The following CAMK4 variants were observed in gnomAD, a reference collection of about 807,000 sequenced individuals.
CAMK4 encodes calcium/calmodulin dependent protein kinase IV, also known as calcium/calmodulin-dependent protein kinase type IV.
CAMK4 carries 22 observed loss-of-function variants against 44.9 expected under a neutral mutation model. That is an observed-to-expected ratio of 0.49 (90% confidence interval 0.35 to 0.70). The LOEUF is 0.70. Ranked by LOEUF, CAMK4 falls within the 30% of genes least tolerant of loss-of-function variation. The probability of loss-of-function intolerance (pLI) is 0.01; values close to 1 mark genes in which losing one functional copy is unlikely to be tolerated. For synonymous variants in CAMK4, 218 were observed against 215.4 expected (o/e 1.01, Z -0.11); for missense variants, 498 against 586.8 (o/e 0.85, Z 1.56).
At position 111,412,914 on chromosome 5, in the gene CAMK4, G is replaced by A. The variant is rs576794794; in HGVS notation, c.459+18132G>A. On this transcript the variant is annotated intron_variant, in intron 5 of 10. Coordinates refer to ENST00000282356, the MANE Select transcript of CAMK4 (RefSeq NM_001744.6). The stretch of plus-strand genomic sequence containing the variant: ...CCTTAATTTATATGTAATTAAAAGT[G>A]GGTAAAAGTATGACTGCAGAATTGC... 2.0e-5 allele frequency among the ~76,000 whole-genome samples: 3 copies of A among 152,270 alleles called. No homozygotes were observed. The South Asian group carries it at 6.2e-4, about 32-fold the overall frequency.
rs1755743712 is a variant in CAMK4, at chr5:111,489,536, G to T, written c.*5070G>T. 6.6e-6 allele frequency: 1 copy of T among 152,186 alleles called. No homozygotes were observed. Among genetic ancestry groups the T allele is most frequent in the Non-Finnish European group, 1.5e-5 (1 of 68,038 alleles). The allele number at this position is 152,186 out of a possible 1,614,324, so 9.4% of individuals were successfully genotyped here. A position where few individuals can be genotyped will look rare whatever the true frequency, so the allele number is the denominator to read the frequency against. ...GTGATGTACTCAAGACGATTGGGTT[G>T]TGTGATACTAACTTCCTTCAAGAAC... On this transcript the variant is annotated 3_prime_UTR_variant, in exon 11 of 11. Transcript: ENST00000282356.
intron 1 of CAMK4, among the ~76,000 whole-genome samples, chr5:111,337,340 A>C (rs918198658): frequency 5.3e-5 from 8 of 151,188 alleles, no homozygotes; most frequent in African/African-American, 1.9e-4. Flanking sequence ...GTGAGTGAAC[A>C]TTGTTTTGAT....
At chr5:111,378,352 C>T (rs986824913) in intron 4 of CAMK4, among the ~76,000 whole-genome samples, 4 of 152,122 alleles carry the variant, frequency 2.6e-5, no homozygotes, top group Non-Finnish European at 5.9e-5. Context: ...TAAATAGCAG[C>T]TCAAATGGAC....
intron 1 of CAMK4, among the ~76,000 whole-genome samples, chr5:111,292,508 T>G (rs1335243186): frequency 6.6e-6 from 1 of 152,136 alleles, no homozygotes; most frequent in Admixed American, 6.6e-5. Flanking sequence ...CACCTTATTT[T>G]AATGGTGAAA....
At chr5:111,322,619 A>G (rs73786901) in intron 1 of CAMK4, among the ~76,000 whole-genome samples, 3,734 of 152,180 alleles carry the variant, frequency 0.025, 156 homozygotes, top group African/African-American at 0.084. Flanking sequence ...TAGATATTCA[A>G]ATAAGCAAGA....
intron 2 of CAMK4, among the ~76,000 whole-genome samples, chr5:111,356,195 C>G (rs1475242617): frequency 6.7e-6 from 1 of 149,382 alleles, no homozygotes; most frequent in Non-Finnish European, 1.5e-5. Context: ...GATTGCCATT[C>G]TAACTGGTGT....
chr5:111,300,743 A>G (rs555727142), intron 1 of CAMK4, among the ~76,000 whole-genome samples: 36 of 152,204 alleles, frequency 2.4e-4, no homozygotes, highest in Non-Finnish European at 4.7e-4. Flanking sequence ...AGATGTTATA[A>G]AAAAGTATGG....
intron 1 of CAMK4, among the ~76,000 whole-genome samples, chr5:111,334,515 T>A (rs544284097): frequency 2.5e-4 from 38 of 151,662 alleles, no homozygotes; most frequent in Middle Eastern, 3.4e-3. Flanking sequence ...CTCTTTAATA[T>A]GACACACTTT....
intron 2 of CAMK4, among the ~76,000 whole-genome samples, chr5:111,358,902 A>G (rs543159217): frequency 1.3e-5 from 2 of 152,108 alleles, no homozygotes; most frequent in Admixed American, 6.6e-5. Context: ...TGCAAAGGAC[A>G]TTATCTCATT....
intron 1 of CAMK4, among the ~76,000 whole-genome samples, chr5:111,334,131 T>A (rs1460985323): frequency 6.6e-6 from 1 of 151,566 alleles, no homozygotes; most frequent in Non-Finnish European, 1.5e-5. Context: ...ATCATTAGTA[T>A]CATTCCTTGA....
chr5:111,490,318 A>G lies in CAMK4; in HGVS notation c.*5852A>G, dbSNP rs1755772915. Reference sequence around the variant, plus strand: ...CTGTTTTGTAAAGGTACAGTTAAGCATAACTATAGGCTGGGCGTGATAGTT... The same window carrying G: ...CTGTTTTGTAAAGGTACAGTTAAGCGTAACTATAGGCTGGGCGTGATAGTT... On this transcript the variant is annotated 3_prime_UTR_variant, in exon 11 of 11. Coordinates refer to ENST00000282356, the MANE Select transcript of CAMK4 (RefSeq NM_001744.6). 6.6e-6 allele frequency: 1 copy of G among 152,204 alleles called. No individual in the cohort carries two copies. Among genetic ancestry groups the G allele is most frequent in the Admixed American group, 6.5e-5 (1 of 15,272 alleles). 9.4% of individuals were successfully genotyped at this position (152,204 alleles called of 1,614,324 possible). A position where few individuals can be genotyped will look rare whatever the true frequency, so the allele number is the denominator to read the frequency against.
chr5:111,423,439 C>T (rs1468271536), intron 5 of CAMK4, among the ~76,000 whole-genome samples: 1 of 152,182 alleles, frequency 6.6e-6, no homozygotes, highest in Non-Finnish European at 1.5e-5. Flanking sequence ...CATTGAAACA[C>T]ATACATTTCT....
At chr5:111,244,809 C>T (rs1749160139) in intron 1 of CAMK4, among the ~76,000 whole-genome samples, 1 of 151,984 alleles carries the variant, frequency 6.6e-6, no homozygotes, top group South Asian at 2.1e-4. Flanking sequence ...TGCAGTTAGC[C>T]GAGATCGCAC....
chr5:111,426,968 A>G (rs1753250256), intron 5 of CAMK4, among the ~76,000 whole-genome samples: 1 of 152,194 alleles, frequency 6.6e-6, no homozygotes, highest in Non-Finnish European at 1.5e-5. Context: ...GTGCTGAATT[A>G]GGCCCAGAGA....
chr5:111,356,876 G>GAT (rs1750380680), intron 2 of CAMK4, among the ~76,000 whole-genome samples: 1 of 151,996 alleles, frequency 6.6e-6, no homozygotes, highest in South Asian at 2.1e-4. Flanking sequence ...ATCTCGTTTA[G>GAT]ATATTTTGTT....
At chr5:111,464,056 C>T (rs1290369057) in intron 7 of CAMK4, among the ~76,000 whole-genome samples, 1 of 151,246 alleles carries the variant, frequency 6.6e-6, no homozygotes, top group Non-Finnish European at 1.5e-5. Flanking sequence ...AAGGAGACAC[C>T]AGAGAAAGGT....
Position 111,489,538 on chromosome 5 carries a change from GT to G in CAMK4, c.*5073del, listed in dbSNP as rs1459798200. ...GATGTACTCAAGACGATTGGGTTGT[GT>G]GATACTAACTTCCTTCAAGAACTCA... On this transcript the variant is annotated 3_prime_UTR_variant, in exon 11 of 11. Coordinates refer to ENST00000282356, the MANE Select transcript of CAMK4 (RefSeq NM_001744.6). 1.3e-5 allele frequency: 2 copies of G among 152,298 alleles called. No homozygotes were observed. Among genetic ancestry groups the G allele is most frequent in the African/African-American group, 4.8e-5 (2 of 41,558 alleles). 9.4% of individuals were successfully genotyped at this position (152,298 alleles called of 1,614,324 possible).
intron 1 of CAMK4, among the ~76,000 whole-genome samples, chr5:111,242,998 C>T (rs1460754676): frequency 6.6e-6 from 1 of 152,170 alleles, no homozygotes; most frequent in Admixed American, 6.5e-5. Flanking sequence ...GTCCTGTCTG[C>T]CTCTACACCT....
chr5:111,237,441 C>T (rs879461610), intron 1 of CAMK4, among the ~76,000 whole-genome samples: 51 of 152,348 alleles, frequency 3.3e-4, no homozygotes, highest in Non-Finnish European at 5.6e-4. Flanking sequence ...GTAAGTAGGG[C>T]TCTAAGCCTG....
Sources: gnomAD v4.1 joint callset for allele counts (sites outside exome capture counted in the v4.1 genomes callset) on GRCh38, gnomAD v4.1.1 for gene constraint, MANE v1.5 for transcripts, NCBI Gene and HGNC (gene_info 2026-07-23, HGNC 2026-07-21) for gene names.